Variants in CNTN5 observed in about 807,000 individuals in gnomAD.
CNTN5 encodes the protein contactin-5.
CNTN5 carries 77 observed loss-of-function variants against 129.1 expected under a neutral mutation model. The ratio of observed to expected loss-of-function variants is 0.60; its 90% CI spans 0.50 to 0.72. The LOEUF is 0.72. Ranked by LOEUF, CNTN5 falls within the 30% of genes least tolerant of loss-of-function variation. The pLI, the probability that CNTN5 is intolerant of heterozygous loss-of-function variation, is 0.00. For missense variants in CNTN5, 1,478 were observed against 1,328.8 expected (o/e 1.11, Z -1.75); for synonymous variants, 509 against 465.6 (o/e 1.09, Z -1.20).
intron 1 of CNTN5, among the ~76,000 whole-genome samples, chr11:99,278,246 G>GAA (rs1863536512): frequency 6.6e-6 from 1 of 151,554 alleles, no homozygotes; most frequent in Admixed American, 6.6e-5. Flanking sequence ...TGCTAACAGT[G>GAA]GGCTAGGCTT....
At chr11:99,923,672 C>A (rs992233679) in intron 7 of CNTN5, among the ~76,000 whole-genome samples, 1 of 152,176 alleles carries the variant, frequency 6.6e-6, no homozygotes, top group African/African-American at 2.4e-5. Context: ...AGAGACTGAG[C>A]TAATTTGCAT....
chr11:99,703,909 T>C (rs1369517423), intron 3 of CNTN5, among the ~76,000 whole-genome samples: 1 of 151,008 alleles, frequency 6.6e-6, no homozygotes, highest in Admixed American at 6.6e-5. Context: ...ATATAAGAAA[T>C]GATTAATGCA....
chr11:100,025,784 A>G (rs539816105), intron 9 of CNTN5, among the ~76,000 whole-genome samples: 10 of 152,214 alleles, frequency 6.6e-5, no homozygotes, highest in African/African-American at 1.7e-4. Flanking sequence ...GTTTCAGCCA[A>G]TTTCTCCCAT....
intron 1 of CNTN5, among the ~76,000 whole-genome samples, chr11:99,141,532 G>A (rs904309009): frequency 2.6e-5 from 4 of 151,624 alleles, no homozygotes; most frequent in Non-Finnish European, 5.9e-5. Flanking sequence ...TCTCATTTTG[G>A]CTATTTCTTG....
At chr11:100,082,806 A>G (rs1944412336) in intron 13 of CNTN5, among the ~76,000 whole-genome samples, 1 of 152,178 alleles carries the variant, frequency 6.6e-6, no homozygotes, top group African/African-American at 2.4e-5. Context: ...ATAATTTTCA[A>G]CGCCACTTTA....
chr11:99,645,619 T>TA (rs1482344109), intron 3 of CNTN5, among the ~76,000 whole-genome samples: 1 of 151,960 alleles, frequency 6.6e-6, no homozygotes, highest in Non-Finnish European at 1.5e-5. Context: ...TATGCAGCCA[T>TA]AAAAAAGGAT....
chr11:99,286,727 C>T (rs1175011254), intron 1 of CNTN5, among the ~76,000 whole-genome samples: 1 of 152,058 alleles, frequency 6.6e-6, no homozygotes, highest in East Asian at 1.9e-4. Flanking sequence ...AAAATTGTTT[C>T]ACAGTACATC....
intron 1 of CNTN5, among the ~76,000 whole-genome samples, chr11:99,108,605 T>G (rs1857633317): frequency 6.6e-6 from 1 of 152,176 alleles, no homozygotes; most frequent in Non-Finnish European, 1.5e-5. Flanking sequence ...ATATCTAAAA[T>G]GCCCAAATAC....
At chr11:99,709,716 GA>G (rs1954894340) in intron 3 of CNTN5, among the ~76,000 whole-genome samples, 1 of 151,724 alleles carries the variant, frequency 6.6e-6, no homozygotes, top group Non-Finnish European at 1.5e-5. Context: ...AATTTTAATA[GA>G]AGTTTGAAAA....
At chr11:99,472,959 T>C (rs938937545) in intron 2 of CNTN5, among the ~76,000 whole-genome samples, 1 of 152,192 alleles carries the variant, frequency 6.6e-6, no homozygotes, top group African/African-American at 2.4e-5. Flanking sequence ...AGTTAATCAT[T>C]TTGTTCCCTC....
chr11:99,503,881 T>G (rs1423754368), intron 2 of CNTN5, among the ~76,000 whole-genome samples: 2 of 152,192 alleles, frequency 1.3e-5, no homozygotes, highest in African/African-American at 2.4e-5. Context: ...ATTCAATAAA[T>G]ATGAACCAAA....
intron 9 of CNTN5, among the ~76,000 whole-genome samples, chr11:100,025,079 T>A (rs1220687374): frequency 6.6e-6 from 1 of 152,184 alleles, no homozygotes; most frequent in Non-Finnish European, 1.5e-5. Context: ...ACTGCAACCC[T>A]TCCCATCTAA....
At chr11:99,121,138 T>C (rs1591226988) in intron 1 of CNTN5, among the ~76,000 whole-genome samples, 1 of 146,816 alleles carries the variant, frequency 6.8e-6, no homozygotes, top group African/African-American at 2.5e-5. Flanking sequence ...TTTCTTTCTT[T>C]TTTTTTTTTT....
intron 2 of CNTN5, among the ~76,000 whole-genome samples, chr11:99,537,397 C>G (rs1052384749): frequency 6.6e-6 from 1 of 152,092 alleles, no homozygotes; most frequent in African/African-American, 2.4e-5. Flanking sequence ...CCACACCTGT[C>G]TAGTTTCAAA....
chr11:99,844,855 G>C lies in CNTN5; in HGVS notation c.281G>C (p.Ser94Thr). Residue 94 changes from serine (S) to threonine (T), a missense_variant, in exon 5 of 25, where the codon AGT (serine) becomes ACT (threonine). By Grantham distance (58) the Ser-to-Thr change is moderately conservative. Transcript: ENST00000524871. ...TGTGTCTGTTTTGTCTTTACAGAAA[G>C]TGTGGACTATGGGCCAGTTTTTGTG... ...HSSDAFKQDE[S>T]VDYGPVFVQE... 1.2e-6 allele frequency: 2 copies of C among 1,611,932 alleles called. No homozygotes were observed. The highest frequency in any genetic ancestry group is 2.2e-5 in the South Asian group (2 of 90,510).
intron 1 of CNTN5, among the ~76,000 whole-genome samples, chr11:99,137,222 T>C (rs1591258639): frequency 6.6e-6 from 1 of 152,178 alleles, no homozygotes; most frequent in Admixed American, 6.5e-5. Context: ...GCAGATACAC[T>C]AATAATTTAA....
At chr11:99,366,849 A>C (rs1028372187) in intron 2 of CNTN5, among the ~76,000 whole-genome samples, 1 of 152,162 alleles carries the variant, frequency 6.6e-6, no homozygotes, top group Non-Finnish European at 1.5e-5. Context: ...CGCATTTTGC[A>C]TGATAATAGA....
chr11:100,289,591 G>T (rs1415786160), intron 18 of CNTN5, among the ~76,000 whole-genome samples: 1 of 152,106 alleles, frequency 6.6e-6, no homozygotes, highest in African/African-American at 2.4e-5. Flanking sequence ...AATAAATTAG[G>T]TGTTGATGGG....
chr11:99,234,953 A>T (rs1384199688), intron 1 of CNTN5, among the ~76,000 whole-genome samples: 1 of 152,174 alleles, frequency 6.6e-6, no homozygotes, highest in Admixed American at 6.5e-5. Flanking sequence ...ATCTAGAGGT[A>T]TTTACAAAGT....
Sources: gnomAD v4.1 joint callset for allele counts (sites outside exome capture counted in the v4.1 genomes callset) on GRCh38, gnomAD v4.1.1 for gene constraint, MANE v1.5 for transcripts, NCBI Gene and HGNC (gene_info 2026-07-23, HGNC 2026-07-21) for gene names.